The following PTPRT variants were observed in gnomAD, a reference collection of about 807,000 sequenced individuals.
PTPRT encodes the protein receptor-type tyrosine-protein phosphatase T.
PTPRT carries 56 observed loss-of-function variants against 176.8 expected under a neutral mutation model. The observed-to-expected ratio is 0.32, with a 90% confidence interval of 0.26 to 0.40. PTPRT has a LOEUF of 0.40. Ranked by LOEUF, PTPRT falls within the 10% of genes least tolerant of loss-of-function variation. The probability of loss-of-function intolerance (pLI) is 1.00; values close to 1 mark genes in which losing one functional copy is unlikely to be tolerated. For missense variants in PTPRT, 1,540 were observed against 1,908.2 expected (o/e 0.81, Z 3.60); for synonymous variants, 783 against 739.0 (o/e 1.06, Z -0.96).
At chr20:43,000,084 AGGGAGGG>A (rs1291701760) in intron 1 of PTPRT, among the ~76,000 whole-genome samples, 1 of 27,246 alleles carries the variant, frequency 3.7e-5, no homozygotes, top group Non-Finnish European at 7.0e-5. Flanking sequence ...GGAGGGAGGG[AGGGAGGG>A]AGGGAGGGAA....
At chr20:42,836,988 C>A (rs920370686) in intron 2 of PTPRT, among the ~76,000 whole-genome samples, 1 of 152,184 alleles carries the variant, frequency 6.6e-6, no homozygotes, top group Non-Finnish European at 1.5e-5. Context: ...ATTTGAACCC[C>A]AGCAGTCTGA....
At position 42,905,061 on chromosome 20, in the gene PTPRT, A is replaced by G. The variant is rs1600542278; in HGVS notation, c.89-19129T>C. 7.2e-5 allele frequency among the ~76,000 whole-genome samples: 11 copies of G among 152,348 alleles called. No individual in the cohort carries two copies. In the South Asian group the frequency reaches 2.3e-3, roughly 32 times the overall value. On this transcript the variant is annotated intron_variant, in intron 1 of 30. Coordinates refer to ENST00000373187, the MANE Select transcript of PTPRT (RefSeq NM_007050.6). The stretch of plus-strand genomic sequence containing the variant: ...GCAATGGCAACAAAAGCCAAAATAG[A>G]CAAATGGGATCTAATTAAACTAAAG...
At chr20:43,083,343 T>TATATATATATAC (rs1568774040) in intron 1 of PTPRT, among the ~76,000 whole-genome samples, 79 of 115,278 alleles carry the variant, frequency 6.9e-4, no homozygotes, top group Non-Finnish European at 1.1e-3. Context: ...TATATATATA[T>TATATATATATAC]ATATATATAT....
At chr20:42,106,523 TG>T (rs1352869492) in intron 24 of PTPRT, among the ~76,000 whole-genome samples, 2 of 152,164 alleles carry the variant, frequency 1.3e-5, no homozygotes, top group Non-Finnish European at 2.9e-5. Context: ...TGTCCCTGCT[TG>T]GATGGCCTCA....
chr20:42,442,326 A>G (rs972357887), intron 9 of PTPRT, among the ~76,000 whole-genome samples: 7 of 151,990 alleles, frequency 4.6e-5, no homozygotes, highest in African/African-American at 1.7e-4. Context: ...ATTGAATCCA[A>G]CCATCTGTGT....
At chr20:43,093,972 C>G (rs1457585158) in intron 1 of PTPRT, among the ~76,000 whole-genome samples, 2 of 152,178 alleles carry the variant, frequency 1.3e-5, no homozygotes, top group Non-Finnish European at 2.9e-5. Context: ...GAAACCCTCC[C>G]CAAAGGCCAC....
At chr20:42,504,062 T>C (rs998650537) in intron 7 of PTPRT, among the ~76,000 whole-genome samples, 17 of 152,070 alleles carry the variant, frequency 1.1e-4, no homozygotes, top group African/African-American at 3.9e-4. Flanking sequence ...ATATTAAATA[T>C]TTTTTTCATT....
intron 6 of PTPRT, among the ~76,000 whole-genome samples, chr20:42,681,167 C>A (rs934357542): frequency 2.0e-5 from 3 of 152,120 alleles, no homozygotes; most frequent in African/African-American, 7.2e-5. Context: ...CATAGACAAA[C>A]CCTATCTATT....
At chr20:42,577,993 A>C (rs1466129075) in intron 7 of PTPRT, among the ~76,000 whole-genome samples, 2 of 148,408 alleles carry the variant, frequency 1.3e-5, no homozygotes, top group Non-Finnish European at 3.0e-5. Flanking sequence ...ATGTGTGTGA[A>C]TTCCCATTAG....
rs531466164 is a variant in PTPRT at position 42,323,783 on chromosome 20, T to G, written c.1866-7787A>C. On this transcript the variant is annotated intron_variant, in intron 11 of 30. Coordinates refer to ENST00000373187, the MANE Select transcript of PTPRT (RefSeq NM_007050.6). ...TAATAATAATAAAATAAAATAAAAATAAAAAAAAGAAAATATAAATTACAG... is the reference window on the plus strand; with the variant it reads ...TAATAATAATAAAATAAAATAAAAAGAAAAAAAAGAAAATATAAATTACAG... Among the ~76,000 whole-genome samples the G allele has an allele frequency of 7.1e-4, 107 of 150,998 alleles. 1 individual carries two copies. Among genetic ancestry groups the G allele is most frequent in the African/African-American group, 2.5e-3 (101 of 41,202 alleles).
chr20:42,301,847 G>T (rs985532337), intron 12 of PTPRT, among the ~76,000 whole-genome samples: 3 of 152,158 alleles, frequency 2.0e-5, no homozygotes, highest in African/African-American at 7.2e-5. Context: ...GAGAAAGTAA[G>T]TTGGAACAAA....
At chr20:42,631,268 T>C (rs2074398485) in intron 7 of PTPRT, among the ~76,000 whole-genome samples, 1 of 152,164 alleles carries the variant, frequency 6.6e-6, no homozygotes, top group South Asian at 2.1e-4. Context: ...TGGGATTCTA[T>C]GAAAAAGCAT....
At chr20:42,289,561 CA>C (rs750624947) in intron 12 of PTPRT, among the ~76,000 whole-genome samples, 1 of 151,898 alleles carries the variant, frequency 6.6e-6, no homozygotes, top group Non-Finnish European at 1.5e-5. Flanking sequence ...CGGAGAAATG[CA>C]AATCAAAACA....
chr20:42,780,447 C>A (rs913397546), intron 3 of PTPRT, 148 bp from the exon 4 acceptor site: 3 of 555,592 alleles, frequency 5.4e-6, no homozygotes, highest in Non-Finnish European at 9.6e-6. Context: ...GCTACCCTGG[C>A]AATTGACTGG....
In PTPRT at chr20:42,940,937, C is replaced by G. The variant is rs982797626; in HGVS notation, c.89-55005G>C. Reference sequence around the variant, plus strand: ...TCTACTAAAAATACAAAAAAATTAGCAGGATATGGTGGCGCGCGCCTGTAG... The same window carrying G: ...TCTACTAAAAATACAAAAAAATTAGGAGGATATGGTGGCGCGCGCCTGTAG... On this transcript the variant is annotated intron_variant, in intron 1 of 30. Coordinates refer to ENST00000373187, the MANE Select transcript of PTPRT (RefSeq NM_007050.6). 1.1e-4 allele frequency among the ~76,000 whole-genome samples: 17 copies of G among 151,852 alleles called. 1 individual carries two copies. Among genetic ancestry groups the G allele is most frequent in the Admixed American group, 7.9e-4 (12 of 15,242 alleles).
chr20:42,221,863 C>T (rs977080452), intron 15 of PTPRT, among the ~76,000 whole-genome samples: 10 of 152,142 alleles, frequency 6.6e-5, no homozygotes, highest in African/African-American at 2.4e-4. Flanking sequence ...ATAACTCCCT[C>T]ACTATCATGA....
At chr20:42,835,165 T>C (rs537879100) in intron 2 of PTPRT, among the ~76,000 whole-genome samples, 7 of 152,306 alleles carry the variant, frequency 4.6e-5, no homozygotes, top group African/African-American at 1.7e-4. Flanking sequence ...GCTGGAGGCT[T>C]CTAGGCATGT....
intron 7 of PTPRT, among the ~76,000 whole-genome samples, chr20:42,659,886 A>C (rs1053421160): frequency 2.0e-5 from 3 of 152,174 alleles, no homozygotes; most frequent in African/African-American, 7.2e-5. Context: ...TGGTTAATCC[A>C]AGATTCACAG....
At chr20:43,109,890 G>A (rs1568790621) in intron 1 of PTPRT, among the ~76,000 whole-genome samples, 1 of 152,168 alleles carries the variant, frequency 6.6e-6, no homozygotes, top group African/African-American at 2.4e-5. Flanking sequence ...GGGGACCAGT[G>A]TAATAGAGTG....
Sources: allele counts gnomAD v4.1 joint callset (sites outside exome capture counted in the v4.1 genomes callset), GRCh38; gene constraint gnomAD v4.1.1; transcripts MANE v1.5; gene names NCBI Gene and HGNC (gene_info 2026-07-23, HGNC 2026-07-21).